The following CLPB variants were observed in gnomAD, a reference collection of about 807,000 sequenced individuals.
CLPB encodes the protein mitochondrial disaggregase.
In CLPB, 40 loss-of-function variants were observed where a neutral mutation model predicts 78.4. The ratio of observed to expected loss-of-function variants is 0.51; its 90% CI spans 0.40 to 0.66. The LOEUF is 0.66. Among genes scored for constraint, CLPB ranks in the 30% least tolerant of loss-of-function variants. The pLI, the probability that CLPB is intolerant of heterozygous loss-of-function variation, is 0.00. For missense variants in CLPB, 780 were observed against 886.9 expected (o/e 0.88, Z 1.53); for synonymous variants, 333 against 348.0 (o/e 0.96, Z 0.48).
At chr11:72,294,212 G>GC in intron 14 of CLPB, 86 bp from the exon 15 acceptor site, 7 of 1,604,010 alleles carry the variant, frequency 4.4e-6, no homozygotes, top group Non-Finnish European at 6.0e-6. Context: ...AGGGCCACTG[G>GC]CCCCACACCA....
At chr11:72,307,374 G>A in intron 8 of CLPB, 120 bp from the exon 9 acceptor site, 1 of 859,616 alleles carries the variant, frequency 1.2e-6, no homozygotes, top group Non-Finnish European at 1.9e-6. Flanking sequence ...GAATGTTGAG[G>A]CGCAGAAAGG....
At chr11:72,306,675 T>G (rs552728879) in intron 9 of CLPB, among the ~76,000 whole-genome samples, 1 of 152,098 alleles carries the variant, frequency 6.6e-6, no homozygotes, top group Non-Finnish European at 1.5e-5. Flanking sequence ...GAAACCATGT[T>G]TAAAAGCTCA....
intron 4 of CLPB, among the ~76,000 whole-genome samples, chr11:72,366,365 C>T (rs1259504968): frequency 6.6e-6 from 1 of 152,174 alleles, no homozygotes; most frequent in Admixed American, 6.5e-5. Context: ...CAGGTGTGCA[C>T]CACCACACCC....
intron 2 of CLPB, among the ~76,000 whole-genome samples, chr11:72,410,355 C>T (rs1255678105): frequency 4.6e-5 from 7 of 152,172 alleles, no homozygotes; most frequent in African/African-American, 1.4e-4. Flanking sequence ...CTCCTGCTCT[C>T]TAAGCCTGTT....
chr11:72,303,973 A>G (rs1949703107), intron 9 of CLPB: 1 of 152,218 alleles, frequency 6.6e-6, no homozygotes, highest in South Asian at 2.1e-4. Context: ...CCTCTCTGCC[A>G]ATCAGCTGGG....
chr11:72,429,992 C>T (rs748936909), intron 2 of CLPB, among the ~76,000 whole-genome samples: 4 of 152,140 alleles, frequency 2.6e-5, no homozygotes. Flanking sequence ...ATGGCCATTC[C>T]CAAAGAAATG....
intron 5 of CLPB, among the ~76,000 whole-genome samples, chr11:72,343,829 G>A (rs1950462847): frequency 1.3e-5 from 2 of 152,212 alleles, no homozygotes; most frequent in Non-Finnish European, 2.9e-5. Flanking sequence ...AAAGTAGTGA[G>A]AGAGAAGCAA....
intron 7 of CLPB, among the ~76,000 whole-genome samples, chr11:72,310,749 C>A (rs1949830586): frequency 6.6e-6 from 1 of 152,042 alleles, no homozygotes; most frequent in Non-Finnish European, 1.5e-5. Flanking sequence ...GGAGATGTAC[C>A]CAGACATCCC....
At chr11:72,310,059 G>A (rs1565429458) in intron 7 of CLPB, among the ~76,000 whole-genome samples, 1 of 152,172 alleles carries the variant, frequency 6.6e-6, no homozygotes, top group Non-Finnish European at 1.5e-5. Flanking sequence ...GGCAAAGGTG[G>A]CCAGCATGTC....
intron 4 of CLPB, among the ~76,000 whole-genome samples, chr11:72,376,201 C>T (rs1401984490): frequency 6.6e-6 from 1 of 152,116 alleles, no homozygotes; most frequent in Non-Finnish European, 1.5e-5. Context: ...AAAGTCAATG[C>T]AATACAAAAA....
At chr11:72,413,559 T>A (rs1176411407) in intron 2 of CLPB, among the ~76,000 whole-genome samples, 2 of 152,148 alleles carry the variant, frequency 1.3e-5, no homozygotes, top group Non-Finnish European at 2.9e-5. Context: ...ACATTTAACA[T>A]TGATATACTA....
At chr11:72,376,694 C>A (rs185394957) in intron 4 of CLPB, among the ~76,000 whole-genome samples, 131 of 151,602 alleles carry the variant, frequency 8.6e-4, no homozygotes, top group Non-Finnish European at 1.3e-3. Flanking sequence ...TGTTTTGAGA[C>A]AGGGTCTTGC....
intron 4 of CLPB, 108 bp from the exon 5 acceptor site, chr11:72,359,116 C>T (rs1218069675): frequency 6.4e-7 from 1 of 1,564,184 alleles, no homozygotes; most frequent in Non-Finnish European, 8.7e-7. Context: ...TACCTACTTA[C>T]TAAGCATAAA....
In CLPB at chr11:72,430,611, G is replaced by A. The variant is rs764779255; in HGVS notation, c.404-248C>T. The A allele has an allele frequency of 5.9e-6, 3 of 507,178 alleles. No homozygotes were observed. The South Asian group carries it at 6.9e-5, about 12-fold the overall frequency. The allele number at this position is 507,178 out of a possible 1,614,324, so 31.4% of individuals were successfully genotyped here. ...TCACTCCTCTCATCATAGAGGGAATGCAGGTCAACTGCTAGCACCACGTCT... is the reference window on the plus strand; with the variant it reads ...TCACTCCTCTCATCATAGAGGGAATACAGGTCAACTGCTAGCACCACGTCT... On this transcript the variant is annotated intron_variant, in intron 1 of 15. Transcript: ENST00000538039.
At chr11:72,415,812 T>C (rs1856006345) in intron 2 of CLPB, among the ~76,000 whole-genome samples, 1 of 152,094 alleles carries the variant, frequency 6.6e-6, no homozygotes, top group Non-Finnish European at 1.5e-5. Flanking sequence ...AATAGAAGTA[T>C]AAAATCTTTA....
chr11:72,405,024 C>T (rs895573213), intron 2 of CLPB, among the ~76,000 whole-genome samples: 13 of 152,152 alleles, frequency 8.5e-5, no homozygotes, highest in African/African-American at 3.1e-4. Context: ...GGTTCTGATC[C>T]TAACTATGAT....
At chr11:72,345,990 G>A (rs549810198) in intron 5 of CLPB, among the ~76,000 whole-genome samples, 5 of 152,236 alleles carry the variant, frequency 3.3e-5, no homozygotes, top group South Asian at 2.1e-4. Context: ...ATGTATCAAC[G>A]TTATTTGCAG....
chr11:72,295,248 C>T (rs1313273317), intron 12 of CLPB, among the ~76,000 whole-genome samples: 2 of 152,190 alleles, frequency 1.3e-5, no homozygotes, highest in Non-Finnish European at 2.9e-5. Flanking sequence ...GTAGCTCTGT[C>T]CATTCCTGCC....
Position 72,291,608 on chromosome 11 carries a change from A to G in CLPB, c.*1759T>C, listed in dbSNP as rs1949453374. 6.6e-6 allele frequency: 1 copy of G among 152,024 alleles called. No individual in the cohort carries two copies. The highest frequency in any genetic ancestry group is 6.5e-5 in the Admixed American group (1 of 15,274). 9.4% of individuals were successfully genotyped at this position (152,024 alleles called of 1,614,324 possible). On this transcript the variant is annotated 3_prime_UTR_variant, in exon 16 of 16. Coordinates refer to ENST00000538039, the MANE Select transcript of CLPB (RefSeq NM_001258392.3). The stretch of plus-strand genomic sequence containing the variant: ...CAGGCATGAGCCACCACACCCGGCA[A>G]TTTCCTGGTTTTGATAAACTACAGT...
Sources: gnomAD v4.1 joint callset for allele counts (sites outside exome capture counted in the v4.1 genomes callset) on GRCh38, gnomAD v4.1.1 for gene constraint, MANE v1.5 for transcripts, NCBI Gene and HGNC (gene_info 2026-07-23, HGNC 2026-07-21) for gene names.